The following OPN5 variants were observed in gnomAD, a reference collection of about 807,000 sequenced individuals.
OPN5 encodes opsin-5.
Under a neutral mutation model 41.7 loss-of-function variants are expected in OPN5, and 18 were observed. The ratio of observed to expected loss-of-function variants is 0.43; its 90% CI spans 0.30 to 0.64. The LOEUF (loss-of-function observed/expected upper bound fraction) is 0.64, where lower values mean the gene tolerates loss of function less well. Ranked by LOEUF, OPN5 falls within the 30% of genes least tolerant of loss-of-function variation. The probability of loss-of-function intolerance (pLI) is 0.13; values close to 1 mark genes in which losing one functional copy is unlikely to be tolerated. For missense variants in OPN5, 318 were observed against 434.5 expected (o/e 0.73, Z 2.38); for synonymous variants, 178 against 164.3 (o/e 1.08, Z -0.64).
At chr6:47,826,205 C>G (rs1251326891), downstream of OPN5, 1 of 152,076 alleles carries the variant, frequency 6.6e-6, no homozygotes, top group Non-Finnish European at 1.5e-5. Flanking sequence ...CATGTTGACA[C>G]TCATCCACCT....
At chr6:47,820,543 A>G (rs1762590301) in intron 6 of OPN5, among the ~76,000 whole-genome samples, 1 of 152,146 alleles carries the variant, frequency 6.6e-6, no homozygotes, top group Non-Finnish European at 1.5e-5. Context: ...ATTAGAGCTG[A>G]TTTCTATTCC....
chr6:47,803,528 A>T (rs1240226929), intron 4 of OPN5, among the ~76,000 whole-genome samples: 1 of 152,090 alleles, frequency 6.6e-6, no homozygotes, highest in Non-Finnish European at 1.5e-5. Context: ...TCCTGGGAAC[A>T]TTTTCTCACC....
chr6:47,803,424 A>G (rs1773848897), intron 4 of OPN5, among the ~76,000 whole-genome samples: 2 of 152,186 alleles, frequency 1.3e-5, no homozygotes, highest in Admixed American at 1.3e-4. Flanking sequence ...GAAAAACAAA[A>G]TCTTGTCACC....
rs141410164 is a variant in OPN5, at chr6:47,803,803, C to T, written c.757-4351C>T. Among the ~76,000 whole-genome samples the T allele has an allele frequency of 5.5e-4, 84 of 152,288 alleles. 1 individual carries two copies. The highest frequency in any genetic ancestry group is 3.9e-3 in the South Asian group (19 of 4,824). ...TCTGAAATAGTTGTTCCTAGAAAAT[C>T]AGCGATTCTGCCCCACTCACACTGC... is the stretch of plus-strand genomic sequence containing the variant. On this transcript the variant is annotated intron_variant, in intron 4 of 6. Transcript: ENST00000371211.
chr6:47,800,367 A>C (rs1210188191), intron 4 of OPN5, among the ~76,000 whole-genome samples: 2 of 152,104 alleles, frequency 1.3e-5, no homozygotes, highest in Admixed American at 6.5e-5. Context: ...GAATGAAATC[A>C]TAGGGGGTGG....
chr6:47,805,867 T>C (rs895405294), intron 4 of OPN5, among the ~76,000 whole-genome samples: 1 of 152,066 alleles, frequency 6.6e-6, no homozygotes, highest in Non-Finnish European at 1.5e-5. Flanking sequence ...GGGACGGGAG[T>C]AAAAGGAAGT....
At chr6:47,784,217 A>T (rs1281580233) in intron 1 of OPN5, among the ~76,000 whole-genome samples, 1 of 151,258 alleles carries the variant, frequency 6.6e-6, no homozygotes, top group Non-Finnish European at 1.5e-5. Context: ...AGGGGTTTGG[A>T]CTCACCCTAG....
intron 5 of OPN5, among the ~76,000 whole-genome samples, chr6:47,810,355 G>A (rs1386543353): frequency 6.6e-6 from 1 of 152,150 alleles, no homozygotes; most frequent in Non-Finnish European, 1.5e-5. Context: ...GTGGATGGTA[G>A]CCACCAGAGG....
At chr6:47,800,837 T>C (rs1773743481) in intron 4 of OPN5, among the ~76,000 whole-genome samples, 1 of 152,260 alleles carries the variant, frequency 6.6e-6, no homozygotes, top group African/African-American at 2.4e-5. Flanking sequence ...GCAGTTTCAG[T>C]ACAATGACAG....
chr6:47,820,808 A>G (rs906154691), intron 6 of OPN5, among the ~76,000 whole-genome samples: 2 of 152,174 alleles, frequency 1.3e-5, no homozygotes, highest in African/African-American at 4.8e-5. Context: ...GGTTAAGGGC[A>G]CTGATCAGCC....
At chr6:47,795,390 G>C in exon 4 of OPN5, 1 of 1,614,136 alleles carries the variant, frequency 6.2e-7, no homozygotes. Flanking sequence ...GGCCTCGGTA[G>C]GGGGCCAGGT....
At chr6:47,816,753 A>C (rs1183214529) in intron 6 of OPN5, among the ~76,000 whole-genome samples, 1 of 152,148 alleles carries the variant, frequency 6.6e-6, no homozygotes, top group African/African-American at 2.4e-5. Context: ...TCATTGTGGA[A>C]TAGGGACAGT....
chr6:47,815,984 C>T (rs1298712590), intron 6 of OPN5, among the ~76,000 whole-genome samples: 1 of 152,072 alleles, frequency 6.6e-6, no homozygotes, highest in Non-Finnish European at 1.5e-5. Flanking sequence ...TCACATGCAC[C>T]ACGAGGTCTG....
At chr6:47,784,874 C>G (rs1033721315) in intron 1 of OPN5, among the ~76,000 whole-genome samples, 7 of 152,100 alleles carry the variant, frequency 4.6e-5, no homozygotes, top group African/African-American at 1.7e-4. Flanking sequence ...CCACTTTGGT[C>G]TTTATCTTCT....
At chr6:47,821,788 C>T (rs1037855150) in intron 6 of OPN5, among the ~76,000 whole-genome samples, 5 of 152,074 alleles carry the variant, frequency 3.3e-5, no homozygotes, top group Non-Finnish European at 5.9e-5. Context: ...ATCCGACTGT[C>T]TGTGGAATAG....
At chr6:47,812,505 TAAAC>T (rs1762280916) in intron 6 of OPN5, among the ~76,000 whole-genome samples, 1 of 152,156 alleles carries the variant, frequency 6.6e-6, no homozygotes, top group African/African-American at 2.4e-5. Flanking sequence ...ATCCTTTTTT[TAAAC>T]AAACACCTTT....
intron 6 of OPN5, among the ~76,000 whole-genome samples, chr6:47,819,408 A>G (rs1762536655): frequency 7.1e-6 from 1 of 139,888 alleles, no homozygotes; most frequent in African/African-American, 2.6e-5. Context: ...ATAAAACAGT[A>G]TAAGTAAAAA....
At chr6:47,822,504 T>A (rs1203185122) in intron 6 of OPN5, among the ~76,000 whole-genome samples, 1 of 152,212 alleles carries the variant, frequency 6.6e-6, no homozygotes, top group Admixed American at 6.5e-5. Context: ...AATTTCCCAA[T>A]TTTTACGCTG....
downstream of OPN5, chr6:47,825,693 AG>A (rs1762771454): frequency 6.6e-6 from 1 of 152,232 alleles, no homozygotes; most frequent in African/African-American, 2.4e-5. Flanking sequence ...CACATCTGGC[AG>A]GAATATGACA....
Sources: allele counts gnomAD v4.1 joint callset (sites outside exome capture counted in the v4.1 genomes callset), GRCh38; gene constraint gnomAD v4.1.1; transcripts MANE v1.5; gene names NCBI Gene and HGNC (gene_info 2026-07-23, HGNC 2026-07-21).